The following KCNH8 variants were observed in gnomAD, a reference collection of about 807,000 sequenced individuals.
KCNH8 encodes potassium voltage-gated channel subfamily H member 8.
Under a neutral mutation model 103.6 loss-of-function variants are expected in KCNH8, and 70 were observed. The observed-to-expected ratio is 0.68, with a 90% confidence interval of 0.56 to 0.82. The LOEUF (loss-of-function observed/expected upper bound fraction) is 0.82. Among genes scored for constraint, KCNH8 ranks in the 40% least tolerant of loss-of-function variants. The pLI is 0.00. For missense variants in KCNH8, 1,217 were observed against 1,329.9 expected, an observed-to-expected ratio of 0.92 and a Z score of 1.32; for synonymous variants, 498 against 489.4, an observed-to-expected ratio of 1.02 and a Z score of -0.23.
At chr3:19,451,588 CA>C (rs944066025) in intron 10 of KCNH8, among the ~76,000 whole-genome samples, 184 bp downstream of exon 10, 11 of 151,802 alleles carry the variant, frequency 7.2e-5, no homozygotes, top group Non-Finnish European at 1.6e-4. Flanking sequence ...TTAATTCTTG[CA>C]AAAAAATCCA....
intron 3 of KCNH8, among the ~76,000 whole-genome samples, chr3:19,282,298 T>C (rs940639223): frequency 6.6e-6 from 1 of 152,140 alleles, no homozygotes; most frequent in Non-Finnish European, 1.5e-5. Context: ...CTAAATTATG[T>C]AGTGTATTTT....
At chr3:19,525,929 C>T (rs1194188537) in intron 15 of KCNH8, among the ~76,000 whole-genome samples, 5 of 151,882 alleles carry the variant, frequency 3.3e-5, no homozygotes, top group Non-Finnish European at 2.9e-5. Context: ...GATAAAAAGA[C>T]TATCACTTGT....
chr3:19,171,523 G>T (rs1483033670), intron 1 of KCNH8, among the ~76,000 whole-genome samples: 1 of 151,954 alleles, frequency 6.6e-6, no homozygotes, highest in South Asian at 2.1e-4. Context: ...GAAGTATGTG[G>T]CTTCTCTTCA....
intron 1 of KCNH8, among the ~76,000 whole-genome samples, chr3:19,240,483 ATGCC>A (rs1374263040): frequency 2.0e-5 from 3 of 151,936 alleles, no homozygotes; most frequent in Non-Finnish European, 4.4e-5. Context: ...ATGGTGGCGC[ATGCC>A]TGTAATCCCA....
chr3:19,272,673 C>G (rs2064605699), intron 2 of KCNH8, among the ~76,000 whole-genome samples: 1 of 152,080 alleles, frequency 6.6e-6, no homozygotes, highest in South Asian at 2.1e-4. Context: ...ACAAATAGTT[C>G]ATTAATATTC....
At position 19,325,985 on chromosome 3, in the gene KCNH8, C is replaced by T. The variant is rs116631588; in HGVS notation, c.443-16602C>T. 5.5e-3 allele frequency among the ~76,000 whole-genome samples: 830 copies of T among 152,226 alleles called. 6 individuals carry two copies. The highest frequency in any genetic ancestry group is 0.018 in the African/African-American group (764 of 41,546). On this transcript the variant is annotated intron_variant, in intron 3 of 15. Coordinates refer to ENST00000328405, the MANE Select transcript of KCNH8 (RefSeq NM_144633.3). ...GGACAAAGAAAATGTACATATACAT[C>T]ACAAAATACTATGCACCCATAAAAA...
At chr3:19,422,179 T>A (rs1323310501) in intron 7 of KCNH8, among the ~76,000 whole-genome samples, 1 of 152,106 alleles carries the variant, frequency 6.6e-6, no homozygotes, top group East Asian at 1.9e-4. Context: ...ATGATACTGA[T>A]GTCTTGCAAA....
intron 1 of KCNH8, among the ~76,000 whole-genome samples, chr3:19,153,620 T>TTTTC (rs1208824260): frequency 1.7e-4 from 26 of 151,318 alleles, no homozygotes; most frequent in African/African-American, 6.3e-4. Flanking sequence ...TTTTCTTTTC[T>TTTTC]TTTCTTTCTT....
intron 11 of KCNH8, among the ~76,000 whole-genome samples, chr3:19,508,278 G>A (rs2068729940): frequency 6.6e-6 from 1 of 152,082 alleles, no homozygotes; most frequent in African/African-American, 2.4e-5. Context: ...AGTACATTTG[G>A]TAAAAGATGA....
intron 14 of KCNH8, among the ~76,000 whole-genome samples, chr3:19,517,495 G>C (rs1176288507): frequency 1.3e-5 from 2 of 151,936 alleles, no homozygotes; most frequent in South Asian, 2.1e-4. Context: ...ACTAAAAACT[G>C]GGAGAAATTA....
intron 5 of KCNH8, among the ~76,000 whole-genome samples, chr3:19,350,268 T>C (rs976677237): frequency 2.6e-5 from 4 of 152,108 alleles, no homozygotes; most frequent in African/African-American, 7.2e-5. Context: ...GCCTGTAATA[T>C]TGCCTGTAAT....
chr3:19,384,572 GCT>G (rs1281741155), intron 5 of KCNH8, among the ~76,000 whole-genome samples: 6 of 151,992 alleles, frequency 3.9e-5, no homozygotes, highest in Non-Finnish European at 7.4e-5. Context: ...ATTTAATAAG[GCT>G]GCATTACTAG....
intron 5 of KCNH8, among the ~76,000 whole-genome samples, chr3:19,370,662 G>C (rs1211818147): frequency 6.6e-6 from 1 of 151,970 alleles, no homozygotes; most frequent in African/African-American, 2.4e-5. Context: ...ACATTGTGCA[G>C]GTTATTTACA....
At chr3:19,357,684 T>G (rs1160995669) in intron 5 of KCNH8, among the ~76,000 whole-genome samples, 1 of 151,910 alleles carries the variant, frequency 6.6e-6, no homozygotes, top group Non-Finnish European at 1.5e-5. Flanking sequence ...GCCATAAAGT[T>G]GTATCTCTGA....
intron 3 of KCNH8, among the ~76,000 whole-genome samples, chr3:19,306,507 A>C (rs1201468754): frequency 2.0e-5 from 3 of 152,120 alleles, no homozygotes; most frequent in Admixed American, 2.0e-4. Context: ...ATGCCAGGCA[A>C]TATGCTGGTT....
chr3:19,425,333 T>C (rs544799447), intron 7 of KCNH8, among the ~76,000 whole-genome samples: 1 of 152,314 alleles, frequency 6.6e-6, no homozygotes, highest in African/African-American at 2.4e-5. Flanking sequence ...TTTAAACTCT[T>C]TCTGGTTGCT....
chr3:19,515,896 G>T (rs1056610190), intron 14 of KCNH8, among the ~76,000 whole-genome samples: 1 of 151,954 alleles, frequency 6.6e-6, no homozygotes, highest in Non-Finnish European at 1.5e-5. Flanking sequence ...TGGAAATGAC[G>T]GAGAACTATG....
chr3:19,275,845 G>A (rs897114832), intron 2 of KCNH8, among the ~76,000 whole-genome samples: 2 of 152,040 alleles, frequency 1.3e-5, no homozygotes, highest in African/African-American at 4.8e-5. Context: ...GGAATGTTGT[G>A]CTGATTTGAG....
At chr3:19,243,913 G>A (rs2125246727) in intron 1 of KCNH8, among the ~76,000 whole-genome samples, 1 of 152,234 alleles carries the variant, frequency 6.6e-6, no homozygotes, top group South Asian at 2.1e-4. Flanking sequence ...GGGAATCTTA[G>A]TATTCTTAGA....
Sources: allele counts gnomAD v4.1 joint callset (sites outside exome capture counted in the v4.1 genomes callset), GRCh38; gene constraint gnomAD v4.1.1; transcripts MANE v1.5; gene names NCBI Gene and HGNC (gene_info 2026-07-23, HGNC 2026-07-21).